Variants in KIF21A observed in about 807,000 individuals in gnomAD.
KIF21A encodes the protein kinesin-like protein KIF21A.
In KIF21A, 114 loss-of-function variants were observed where a neutral mutation model predicts 202.9. The ratio of observed to expected loss-of-function variants is 0.56; its 90% CI spans 0.48 to 0.66. The LOEUF (loss-of-function observed/expected upper bound fraction) is 0.66, where lower values mean the gene tolerates loss of function less well. Among genes scored for constraint, KIF21A ranks in the 30% least tolerant of loss-of-function variants. KIF21A has a pLI of 0.00. For missense variants in KIF21A, 1,677 were observed against 1,994.9 expected (o/e 0.84, Z 3.04); for synonymous variants, 667 against 670.8 (o/e 0.99, Z 0.09).
chr12:39,336,995 C>T (rs1947032435), intron 17 of KIF21A, 101 bp downstream of exon 17: 1 of 736,800 alleles, frequency 1.4e-6, no homozygotes, highest in South Asian at 1.4e-5. Context: ...CCTTAACCTG[C>T]AATTAGTAGT....
chr12:39,341,004 A>G lies in KIF21A; in HGVS notation c.2012T>C (p.Leu671Pro). The change falls in exon 15 of 38, where the codon CTG becomes CCG. Residue 671 changes from leucine to proline, a missense_variant. Leu to Pro is a moderately conservative substitution (Grantham distance 98). Transcript: ENST00000361418. ...TTCATACTGCTTTTTCAGAGTCTGC[A>G]GTCTTTTCTGGCTGTTTTCTAGTTC... is the stretch of plus-strand genomic sequence containing the variant. The part of the protein sequence containing the change: ...IDELENSQKR[L>P]QTLKKQYEEK... 1 of 1,613,004 alleles carries G rather than the reference A, an allele frequency of 6.2e-7. No homozygotes were observed. The highest frequency in any genetic ancestry group is 8.5e-7 in the Non-Finnish European group (1 of 1,179,364).
In KIF21A at chr12:39,302,814, C is replaced by T. The variant is rs576307620; in HGVS notation, c.4731+151G>A. On this transcript the variant is annotated intron_variant, in intron 36 of 37. Coordinates refer to ENST00000361418, the MANE Select transcript of KIF21A (RefSeq NM_001173464.2). The stretch of plus-strand genomic sequence containing the variant: ...GTTTCCCTTCTCCCAGTGAAGAACT[C>T]TGGGGAGGATGAAACATTCTTTAAG... 3.5e-5 allele frequency: 25 copies of T among 709,202 alleles called. No homozygotes were observed. In the South Asian group the frequency reaches 4.0e-4, roughly 11 times the overall value. 43.9% of individuals were successfully genotyped at this position (709,202 alleles called of 1,614,324 possible).
intron 6 of KIF21A, among the ~76,000 whole-genome samples, chr12:39,365,641 A>G (rs1949545818): frequency 6.6e-6 from 1 of 152,272 alleles, no homozygotes; most frequent in Non-Finnish European, 1.5e-5. Context: ...TACAATTTCC[A>G]AAGTCAATAA....
At chr12:39,334,056 C>A (rs1032154770) in intron 17 of KIF21A, among the ~76,000 whole-genome samples, 2 of 151,688 alleles carry the variant, frequency 1.3e-5, no homozygotes, top group African/African-American at 2.4e-5. Context: ...ACAAAATTAG[C>A]CAGGCATGGT....
chr12:39,357,559 A>C, intron 8 of KIF21A, 122 bp from the exon 9 acceptor site: 1 of 783,698 alleles, frequency 1.3e-6, no homozygotes, highest in African/African-American at 1.7e-5. Context: ...TACCAACCCC[A>C]AGGCAAAAGA....
Position 39,443,017 on chromosome 12 carries a change from G to C in KIF21A, c.-47C>G. On this transcript the variant is annotated 5_prime_UTR_variant, in exon 1 of 38. Coordinates refer to ENST00000361418, the MANE Select transcript of KIF21A (RefSeq NM_001173464.2). ...AGCCGTTGGGCCTCGGCACCGCAGAGCTGAGGCGCCACTGGGGCCGCGGGA... is the reference window on the plus strand; with the variant it reads ...AGCCGTTGGGCCTCGGCACCGCAGACCTGAGGCGCCACTGGGGCCGCGGGA... 6.7e-7 allele frequency: 1 copy of C among 1,497,752 alleles called. No homozygotes were observed. Among genetic ancestry groups the C allele is most frequent in the Non-Finnish European group, 8.8e-7 (1 of 1,130,542 alleles). 92.8% of individuals were successfully genotyped at this position (1,497,752 alleles called of 1,614,324 possible). A position where few individuals can be genotyped will look rare whatever the true frequency, so the allele number is the denominator to read the frequency against.
chr12:39,353,290 G>C (rs1948535999), intron 10 of KIF21A, among the ~76,000 whole-genome samples: 1 of 152,076 alleles, frequency 6.6e-6, no homozygotes, highest in African/African-American at 2.4e-5. Flanking sequence ...CTCCCAAAGT[G>C]TTGGGATTAC....
chr12:39,320,607 T>C (rs1459751187), intron 27 of KIF21A, among the ~76,000 whole-genome samples: 1 of 151,666 alleles, frequency 6.6e-6, no homozygotes, highest in Non-Finnish European at 1.5e-5. Flanking sequence ...AAATAATTTT[T>C]GTATATGGTG....
intron 9 of KIF21A, 61 bp downstream of exon 9, chr12:39,357,187 C>T (rs752457285): frequency 1.3e-5 from 18 of 1,420,786 alleles, no homozygotes; most frequent in Non-Finnish European, 1.8e-5. Context: ...TTAGTGAACA[C>T]AAAGAATGTT....
intron 31 of KIF21A, chr12:39,312,970 C>A (rs1221272660): frequency 2.0e-5 from 3 of 151,720 alleles, no homozygotes; most frequent in African/African-American, 7.3e-5. Flanking sequence ...CATATTAGGA[C>A]AAATATAAGG....
chr12:39,405,046 A>C (rs1001949062), intron 1 of KIF21A, among the ~76,000 whole-genome samples: 2 of 152,146 alleles, frequency 1.3e-5, no homozygotes, highest in African/African-American at 4.8e-5. Context: ...ATTTAAAGCT[A>C]TTCATGTGGT....
At chr12:39,297,556 G>A (rs1591999044) in intron 37 of KIF21A, among the ~76,000 whole-genome samples, 1 of 136,378 alleles carries the variant, frequency 7.3e-6, no homozygotes, top group South Asian at 2.5e-4. Context: ...ATGGACACAG[G>A]AAGGGGAACA....
intron 32 of KIF21A, among the ~76,000 whole-genome samples, chr12:39,311,175 T>C (rs915020245): frequency 2.6e-5 from 4 of 152,022 alleles, no homozygotes; most frequent in Admixed American, 2.6e-4. Flanking sequence ...CTACATGCAG[T>C]ACATGCCCAA....
chr12:39,358,289 A>T lies in KIF21A; in HGVS notation c.1104T>A (p.Ala368=). ...TLNTLKYANR[A]RNIKNKVMVN... is the part of the protein sequence containing the mutation. ...CCATCACCTTATTCTTGATATTTCTAGCTCGATTGGCGTATTTCAGGGTGT... is the reference window on the plus strand; with the variant it reads ...CCATCACCTTATTCTTGATATTTCTTGCTCGATTGGCGTATTTCAGGGTGT... Residue 368 remains alanine (A), a synonymous_variant, in exon 8 of 38, where the codon GCT becomes GCA. Coordinates refer to ENST00000361418, the MANE Select transcript of KIF21A (RefSeq NM_001173464.2). 6.2e-7 allele frequency: 1 copy of T among 1,614,076 alleles called. No homozygotes were observed. The highest frequency in any genetic ancestry group is 8.5e-7 in the Non-Finnish European group (1 of 1,179,966).
chr12:39,386,718 G>C (rs1950969219), intron 1 of KIF21A, among the ~76,000 whole-genome samples: 1 of 152,166 alleles, frequency 6.6e-6, no homozygotes, highest in Non-Finnish European at 1.5e-5. Context: ...GCAGTCTCAG[G>C]CAGACGTCTA....
chr12:39,338,510 T>C (rs1040018932), intron 16 of KIF21A, among the ~76,000 whole-genome samples: 2 of 152,192 alleles, frequency 1.3e-5, no homozygotes, highest in Non-Finnish European at 2.9e-5. Context: ...CAGCAGTGTA[T>C]AGCTATGTCC....
chr12:39,337,022 T>C, intron 17 of KIF21A, 74 bp downstream of exon 17: 2 of 967,930 alleles, frequency 2.1e-6, no homozygotes, highest in Non-Finnish European at 1.6e-6. Context: ...TACCAGAAAT[T>C]TTTCCTCCAT....
intron 34 of KIF21A, 34 bp downstream of exon 34, chr12:39,307,531 T>C (rs1565663566): frequency 1.3e-6 from 2 of 1,599,690 alleles, no homozygotes; most frequent in Admixed American, 1.7e-5. Flanking sequence ...GTATTTGCCA[T>C]AGGCAAGAGG....
intron 33 of KIF21A, 119 bp from the exon 34 acceptor site, chr12:39,307,848 C>T: frequency 6.4e-6 from 5 of 777,646 alleles, no homozygotes; most frequent in Non-Finnish European, 1.1e-5. Context: ...CCTTTTGTCA[C>T]TATATGTATA....
Sources: gnomAD v4.1 joint callset for allele counts (sites outside exome capture counted in the v4.1 genomes callset) on GRCh38, gnomAD v4.1.1 for gene constraint, MANE v1.5 for transcripts, NCBI Gene and HGNC (gene_info 2026-07-23, HGNC 2026-07-21) for gene names.